Variants in EYA4 observed in about 807,000 individuals in gnomAD.
EYA4 encodes protein phosphatase EYA4.
EYA4 carries 31 observed loss-of-function variants against 87.9 expected under a neutral mutation model. That is an observed-to-expected ratio of 0.35 (90% confidence interval 0.27 to 0.48). The LOEUF (loss-of-function observed/expected upper bound fraction) is 0.48. Ranked by LOEUF, EYA4 falls within the 20% of genes least tolerant of loss-of-function variation. The pLI, the probability that EYA4 is intolerant of heterozygous loss-of-function variation, is 0.99. For synonymous variants in EYA4, 263 were observed against 270.6 expected (o/e 0.97, Z 0.28); for missense variants, 678 against 761.4 (o/e 0.89, Z 1.29).
chr6:133,433,436 G>T (rs1184385058), intron 3 of EYA4, among the ~76,000 whole-genome samples: 1 of 152,216 alleles, frequency 6.6e-6, no homozygotes, highest in Non-Finnish European at 1.5e-5. Context: ...AAATCTGGAG[G>T]TATACCTCTA....
At chr6:133,277,299 G>A (rs553513186) in intron 2 of EYA4, among the ~76,000 whole-genome samples, 8 of 152,146 alleles carry the variant, frequency 5.3e-5, no homozygotes, top group Non-Finnish European at 8.8e-5. Context: ...AGAGTGTCAA[G>A]GTCAAACAGC....
intron 1 of EYA4, among the ~76,000 whole-genome samples, chr6:133,262,159 A>C (rs569467138): frequency 6.6e-6 from 1 of 152,328 alleles, no homozygotes; most frequent in South Asian, 2.1e-4. Flanking sequence ...GGATGATCAT[A>C]AAGTCATCAG....
chr6:133,443,658 G>C (rs1028473672), intron 3 of EYA4, among the ~76,000 whole-genome samples: 99 of 152,112 alleles, frequency 6.5e-4, no homozygotes, highest in African/African-American at 2.3e-3. Flanking sequence ...CCATTTAAAG[G>C]TATAAACTTC....
At chr6:133,423,062 T>C (rs1790357543) in intron 3 of EYA4, among the ~76,000 whole-genome samples, 1 of 152,044 alleles carries the variant, frequency 6.6e-6, no homozygotes, top group South Asian at 2.1e-4. Flanking sequence ...TGGCTAGATA[T>C]GGGCGATGGG....
chr6:133,362,842 C>T (rs541677056), intron 2 of EYA4, among the ~76,000 whole-genome samples: 5 of 152,326 alleles, frequency 3.3e-5, no homozygotes, highest in East Asian at 1.9e-4. Flanking sequence ...TCCCCCTCCT[C>T]GGACTCTACT....
chr6:133,299,939 C>CTATATATA (rs201050418), intron 2 of EYA4, among the ~76,000 whole-genome samples: 78 of 134,682 alleles, frequency 5.8e-4, no homozygotes, highest in Middle Eastern at 3.7e-3. Context: ...ATCTATCTAT[C>CTATATATA]TATCTATCTA....
intron 2 of EYA4, chr6:133,360,221 G>T (rs1271236401): frequency 6.6e-6 from 1 of 152,136 alleles, no homozygotes; most frequent in African/African-American, 2.4e-5. Flanking sequence ...TACAAGTAAA[G>T]GTATTATGTC....
chr6:133,362,997 A>G (rs1784568468), intron 2 of EYA4, among the ~76,000 whole-genome samples: 1 of 152,196 alleles, frequency 6.6e-6, no homozygotes, highest in African/African-American at 2.4e-5. Context: ...GCTCTGTGAG[A>G]TACACATTAA....
intron 3 of EYA4, chr6:133,434,956 T>C (rs1449961856): frequency 6.6e-6 from 1 of 152,250 alleles, no homozygotes; most frequent in Non-Finnish European, 1.5e-5. Flanking sequence ...TTTGAACTGA[T>C]CTGACAGAAA....
Position 133,483,082 on chromosome 6 carries a change from G to C in EYA4, c.1158G>C (p.Leu386=). The C allele has an allele frequency of 6.2e-7, 1 of 1,612,972 alleles. No individual in the cohort carries two copies. The highest frequency in any genetic ancestry group is 8.5e-7 in the Non-Finnish European group (1 of 1,179,254). Residue 386 remains leucine, a synonymous_variant, in exon 13 of 20, where the codon CTG becomes CTC. Coordinates refer to ENST00000355286, the MANE Select transcript of EYA4 (RefSeq NM_004100.5). The part of the protein sequence containing the change: ...LDETIIVFHS[L]LTGSYAQKYG... ...AAACCATCATTGTTTTTCACTCACT[G>C]CTCACCGGGTCTTATGCACAGAAGT...
At chr6:133,445,491 A>G (rs139266985) in intron 3 of EYA4, among the ~76,000 whole-genome samples, 11 of 150,136 alleles carry the variant, frequency 7.3e-5, no homozygotes, top group Admixed American at 6.6e-5. Context: ...ACTTTTATTG[A>G]TCTTTATGTT....
intron 3 of EYA4, among the ~76,000 whole-genome samples, chr6:133,389,722 C>T (rs1462395612): frequency 6.6e-6 from 1 of 152,186 alleles, no homozygotes; most frequent in East Asian, 1.9e-4. Context: ...GTTGTCCTGT[C>T]TCAGAACTTT....
chr6:133,476,208 T>C (rs1333318783), intron 11 of EYA4, among the ~76,000 whole-genome samples: 1 of 152,110 alleles, frequency 6.6e-6, no homozygotes, highest in Non-Finnish European at 1.5e-5. Flanking sequence ...ATGGCTAAAT[T>C]GAGCTGATTA....
At chr6:133,462,915 A>G in intron 9 of EYA4, 151 bp downstream of exon 9, 1 of 771,572 alleles carries the variant, frequency 1.3e-6, no homozygotes, top group Non-Finnish European at 2.2e-6. Context: ...AGACAGAAAC[A>G]CGATGAAATG....
intron 2 of EYA4, among the ~76,000 whole-genome samples, chr6:133,306,154 GAT>G (rs1368369754): frequency 6.6e-6 from 1 of 152,164 alleles, no homozygotes; most frequent in African/African-American, 2.4e-5. Flanking sequence ...ATTGCATGAT[GAT>G]TAGTACAAAG....
Position 133,529,984 on chromosome 6 carries a change from A to C in EYA4, c.*1179A>C. On this transcript the variant is annotated 3_prime_UTR_variant, in exon 20 of 20. Transcript: ENST00000355286. ...TGAACATGGCATAAAATTCACATTG[A>C]GTGCACAGGGCTTAAAATAAAGCTA... 1.0e-6 allele frequency: 1 copy of C among 985,458 alleles called. No homozygotes were observed. The highest frequency in any genetic ancestry group is 1.2e-6 in the Non-Finnish European group (1 of 829,924). 61.0% of individuals were successfully genotyped at this position (985,458 alleles called of 1,614,324 possible). A position where few individuals can be genotyped will look rare whatever the true frequency, so the allele number is the denominator to read the frequency against.
intron 6 of EYA4, among the ~76,000 whole-genome samples, chr6:133,460,317 A>G (rs755421207): frequency 2.6e-5 from 4 of 152,108 alleles, no homozygotes; most frequent in African/African-American, 7.2e-5. Flanking sequence ...TAGAGTCCAT[A>G]TATTTGCAAA....
intron 2 of EYA4, among the ~76,000 whole-genome samples, chr6:133,369,545 T>G (rs1785109592): frequency 6.6e-6 from 1 of 152,180 alleles, no homozygotes; most frequent in Non-Finnish European, 1.5e-5. Flanking sequence ...CATGTGTACC[T>G]AAAACTAGAA....
In EYA4 at chr6:133,288,427, G is replaced by T. The variant is rs369041456; in HGVS notation, c.33+13614G>T. 3.3e-5 allele frequency among the ~76,000 whole-genome samples: 5 copies of T among 152,140 alleles called. No homozygotes were observed. In the East Asian group the frequency reaches 7.7e-4, roughly 23 times the overall value. ...GGAGGAAGGGCAAGGGGTGGACTTGGAGGAGGAAAAAGATTATCCTGGAGT... is the reference window on the plus strand; with the variant it reads ...GGAGGAAGGGCAAGGGGTGGACTTGTAGGAGGAAAAAGATTATCCTGGAGT... On this transcript the variant is annotated intron_variant, in intron 2 of 19. Transcript: ENST00000355286.
Sources: gnomAD v4.1 joint callset for allele counts (sites outside exome capture counted in the v4.1 genomes callset) on GRCh38, gnomAD v4.1.1 for gene constraint, MANE v1.5 for transcripts, NCBI Gene and HGNC (gene_info 2026-07-23, HGNC 2026-07-21) for gene names.